The following CDYL2 variants were observed in gnomAD, a reference collection of about 807,000 sequenced individuals.
CDYL2 encodes the protein chromodomain Y like 2.
Under a neutral mutation model 49.4 loss-of-function variants are expected in CDYL2, and 23 were observed. The ratio of observed to expected loss-of-function variants is 0.47; its 90% CI spans 0.34 to 0.66. The LOEUF is 0.66. Among genes scored for constraint, CDYL2 ranks in the 30% least tolerant of loss-of-function variants. CDYL2 has a pLI of 0.01. For synonymous variants in CDYL2, 360 were observed against 268.8 expected (o/e 1.34, Z -3.32); for missense variants, 678 against 656.4 (o/e 1.03, Z -0.36).
At chr16:80,653,024 T>C (rs1908650819) in intron 2 of CDYL2, among the ~76,000 whole-genome samples, 2 of 152,320 alleles carry the variant, frequency 1.3e-5, no homozygotes, top group East Asian at 3.9e-4. Flanking sequence ...CTTCAGTTCA[T>C]AATAATACTT....
At chr16:80,616,646 G>A (rs893225278) in intron 4 of CDYL2, among the ~76,000 whole-genome samples, 1 of 152,152 alleles carries the variant, frequency 6.6e-6, no homozygotes, top group African/African-American at 2.4e-5. Context: ...GAGGTCCCTG[G>A]CAGGCCACTC....
chr16:80,719,021 C>T (rs1355235065), intron 1 of CDYL2, among the ~76,000 whole-genome samples: 1 of 152,284 alleles, frequency 6.6e-6, no homozygotes, highest in African/African-American at 2.4e-5. Context: ...GACGACTTAA[C>T]GCTCCCAGAG....
At chr16:80,719,670 C>G (rs1372527114) in intron 1 of CDYL2, among the ~76,000 whole-genome samples, 1 of 152,206 alleles carries the variant, frequency 6.6e-6, no homozygotes, top group African/African-American at 2.4e-5. Flanking sequence ...CACCCAGACC[C>G]CAATTCTGAA....
rs527758348 is a variant in CDYL2 at position 80,602,008 on chromosome 16, G to A, written c.*2380C>T. The A allele has an allele frequency of 6.6e-6, 1 of 152,270 alleles. No homozygotes were observed. The highest frequency in any genetic ancestry group is 2.1e-4 in the South Asian group (1 of 4,824). 9.4% of individuals were successfully genotyped at this position (152,270 alleles called of 1,614,324 possible). ...CTAAACATCCCCTTCCATGTCCAAG[G>A]AGAATCCTGACCCCACTTCAACCGA... On this transcript the variant is annotated 3_prime_UTR_variant, in exon 7 of 7. Transcript: ENST00000570137.
chr16:80,800,787 A>G (rs1907901733), intron 1 of CDYL2, among the ~76,000 whole-genome samples: 1 of 152,178 alleles, frequency 6.6e-6, no homozygotes, highest in African/African-American at 2.4e-5. Context: ...AAGTAATTGA[A>G]CGTACAAGCA....
chr16:80,718,206 AGTTTT>A (rs1904877520), intron 1 of CDYL2, among the ~76,000 whole-genome samples: 1 of 152,238 alleles, frequency 6.6e-6, no homozygotes, highest in Non-Finnish European at 1.5e-5. Context: ...GTGAGAAGTG[AGTTTT>A]GTTTTGTCTT....
In CDYL2 at chr16:80,602,386, T is replaced by C. The variant is rs1906130432; in HGVS notation, c.*2002A>G. On this transcript the variant is annotated 3_prime_UTR_variant, in exon 7 of 7. Coordinates refer to ENST00000570137, the MANE Select transcript of CDYL2 (RefSeq NM_152342.4). ...CCCCTCCTTCCTGACCCTCATGAAC[T>C]CTTAAAGGAGACACGCTTTCCAGGG... is the stretch of plus-strand genomic sequence containing the variant. 6.6e-6 allele frequency: 1 copy of C among 151,988 alleles called. No individual in the cohort carries two copies. Among genetic ancestry groups the C allele is most frequent in the Non-Finnish European group, 1.5e-5 (1 of 67,998 alleles). 9.4% of individuals were successfully genotyped at this position (151,988 alleles called of 1,614,324 possible).
chr16:80,615,504 G>A (rs1597124764), intron 4 of CDYL2, among the ~76,000 whole-genome samples: 4 of 151,992 alleles, frequency 2.6e-5, no homozygotes, highest in Non-Finnish European at 4.4e-5. Flanking sequence ...CGCCTCTGCT[G>A]GACGTTTTTA....
chr16:80,621,099 A>G (rs1458975779), intron 3 of CDYL2, among the ~76,000 whole-genome samples, 164 bp from the exon 4 acceptor site: 3 of 152,228 alleles, frequency 2.0e-5, no homozygotes, highest in African/African-American at 4.8e-5. Flanking sequence ...AAGAGTCCAG[A>G]GCAAGGAGAA....
chr16:80,761,880 T>TAAAAAAAAAAAAAAAAAAAA (rs1906543000), intron 1 of CDYL2, among the ~76,000 whole-genome samples: 1 of 111,528 alleles, frequency 9.0e-6, no homozygotes. Context: ...AAGGAGAAAA[T>TAAAAAAAAAAAAAAAAAAAA]TAAAAAAAAA....
chr16:80,761,173 G>C (rs1906515714), intron 1 of CDYL2, among the ~76,000 whole-genome samples: 1 of 152,148 alleles, frequency 6.6e-6, no homozygotes, highest in Non-Finnish European at 1.5e-5. Flanking sequence ...TACTGAATCA[G>C]AAACTCAGCA....
chr16:80,760,771 T>C (rs1906499833), intron 1 of CDYL2, among the ~76,000 whole-genome samples: 1 of 151,622 alleles, frequency 6.6e-6, no homozygotes. Context: ...GGGCAGTCCA[T>C]CTAGAATGCA....
intron 1 of CDYL2, among the ~76,000 whole-genome samples, chr16:80,734,747 G>C (rs1479017512): frequency 3.9e-5 from 6 of 152,174 alleles, no homozygotes; most frequent in Non-Finnish European, 4.4e-5. Flanking sequence ...AGGAAATGCA[G>C]GTGTTGAATG....
chr16:80,727,801 G>A (rs143664159), intron 1 of CDYL2, among the ~76,000 whole-genome samples: 240 of 152,260 alleles, frequency 1.6e-3, no homozygotes, highest in Admixed American at 2.6e-3. Flanking sequence ...CCTAACCCCC[G>A]AGCAGCCTAA....
chr16:80,720,950 A>G (rs1027336827), intron 1 of CDYL2, among the ~76,000 whole-genome samples: 1 of 152,202 alleles, frequency 6.6e-6, no homozygotes, highest in East Asian at 1.9e-4. Flanking sequence ...AATAACCAGA[A>G]AGAACCCATA....
At chr16:80,682,217 G>C (rs1243902609) in intron 2 of CDYL2, among the ~76,000 whole-genome samples, 1 of 152,170 alleles carries the variant, frequency 6.6e-6, no homozygotes, top group African/African-American at 2.4e-5. Flanking sequence ...TTTTGAAACA[G>C]ACAAAACAGA....
At chr16:80,727,302 G>A (rs1184773999) in intron 1 of CDYL2, among the ~76,000 whole-genome samples, 1 of 152,212 alleles carries the variant, frequency 6.6e-6, no homozygotes, top group African/African-American at 2.4e-5. Context: ...AAGGGGTCAG[G>A]GAGTTCCGTT....
intron 4 of CDYL2, among the ~76,000 whole-genome samples, chr16:80,615,004 C>CCATT (rs1906765688): frequency 6.6e-6 from 1 of 151,978 alleles, no homozygotes; most frequent in South Asian, 2.1e-4. Flanking sequence ...GAGAAGTCTA[C>CCATT]TTAATGTTCT....
intron 1 of CDYL2, among the ~76,000 whole-genome samples, chr16:80,759,176 G>GGT (rs1189549171): frequency 1.1e-5 from 1 of 92,530 alleles, no homozygotes; most frequent in Admixed American, 1.1e-4. Context: ...ATATATATAT[G>GGT]GTGTGTATAT....
Sources: gnomAD v4.1 joint callset for allele counts (sites outside exome capture counted in the v4.1 genomes callset) on GRCh38, gnomAD v4.1.1 for gene constraint, MANE v1.5 for transcripts, NCBI Gene and HGNC (gene_info 2026-07-23, HGNC 2026-07-21) for gene names.